Variants in SGCD observed in about 807,000 individuals in gnomAD.
The protein encoded by SGCD is delta-sarcoglycan.
A neutral mutation model predicts 36.6 loss-of-function variants in SGCD; 18 were observed. The observed-to-expected ratio is 0.49, with a 90% CI of 0.34 to 0.73. The LOEUF is 0.73. Ranked by LOEUF, SGCD falls within the 30% of genes least tolerant of loss-of-function variation. The pLI is 0.01. For missense variants in SGCD, 387 were observed against 346.7 expected, an observed-to-expected ratio of 1.12 and a Z score of -0.92; for synonymous variants, 133 against 130.6, an observed-to-expected ratio of 1.02 and a Z score of -0.12.
chr5:155,868,410 GTGCCAGAC>G (rs1755568336), upstream of SGCD, among the ~76,000 whole-genome samples: 3 of 144,572 alleles, frequency 2.1e-5, no homozygotes, highest in Admixed American at 2.1e-4. Context: ...GTTGACCAGG[GTGCCAGAC>G]TGGTCTAGAA....
chr5:155,848,113 C>G, the SGCD span, among the ~76,000 whole-genome samples: 100 of 152,224 alleles, frequency 6.6e-4, no homozygotes, highest in South Asian at 4.6e-3. Flanking sequence ...GCACACAAAT[C>G]TCATGGAGCT....
At chr5:156,648,508 C>T (rs1240496953) in intron 7 of SGCD, among the ~76,000 whole-genome samples, 1 of 152,116 alleles carries the variant, frequency 6.6e-6, no homozygotes, top group Non-Finnish European at 1.5e-5. Flanking sequence ...AAATGTATCA[C>T]CTCATTATAA....
At chr5:156,669,372 T>G (rs1490618837) in intron 7 of SGCD, among the ~76,000 whole-genome samples, 1 of 152,108 alleles carries the variant, frequency 6.6e-6, no homozygotes, top group African/African-American at 2.4e-5. Context: ...CCCCCTCCCC[T>G]CTATCTTGAT....
chr5:156,634,753 G>A (rs1369633112), intron 6 of SGCD, among the ~76,000 whole-genome samples: 1 of 152,098 alleles, frequency 6.6e-6, no homozygotes, highest in Non-Finnish European at 1.5e-5. Flanking sequence ...ACCACAAAGA[G>A]TACATTTTCC....
intron 3 of SGCD, among the ~76,000 whole-genome samples, chr5:156,245,645 C>G (rs1305188804): frequency 4.6e-5 from 7 of 152,040 alleles, no homozygotes; most frequent in African/African-American, 1.4e-4. Flanking sequence ...GATAAAGCCT[C>G]TAGTCTAAAT....
At chr5:155,924,555 A>G (rs1010972493) in intron 1 of SGCD, among the ~76,000 whole-genome samples, 22 of 152,232 alleles carry the variant, frequency 1.4e-4, no homozygotes, top group Admixed American at 9.8e-4. Context: ...GGAAGCAGGC[A>G]GCAAATTAAC....
chr5:156,423,574 A>C (rs187287403), intron 3 of SGCD, among the ~76,000 whole-genome samples: 128 of 150,504 alleles, frequency 8.5e-4, no homozygotes, highest in African/African-American at 2.9e-3. Context: ...TCTTGTTTTG[A>C]ATGTTACAAT....
chr5:156,494,787 A>T (rs1756107004), intron 3 of SGCD, among the ~76,000 whole-genome samples: 1 of 151,956 alleles, frequency 6.6e-6, no homozygotes, highest in Admixed American at 6.6e-5. Context: ...AGGGGGTGTG[A>T]TTCAACTCTG....
chr5:156,423,646 G>A (rs1773530672), intron 3 of SGCD, among the ~76,000 whole-genome samples: 1 of 151,302 alleles, frequency 6.6e-6, no homozygotes, highest in African/African-American at 2.4e-5. Context: ...AACGGAAGGA[G>A]GGAGGGCAGC....
chr5:155,753,910 T>G, the SGCD span, among the ~76,000 whole-genome samples: 3 of 152,190 alleles, frequency 2.0e-5, no homozygotes, highest in African/African-American at 7.2e-5. Flanking sequence ...ATTTTTTTTT[T>G]CAATTGACGT....
At chr5:155,985,841 T>A (rs143793479) in intron 1 of SGCD, among the ~76,000 whole-genome samples, 83 of 152,314 alleles carry the variant, frequency 5.4e-4, no homozygotes, top group Admixed American at 1.6e-3. Context: ...AGTTGTGCCT[T>A]TGGAGCTGTC....
intron 6 of SGCD, among the ~76,000 whole-genome samples, chr5:156,616,485 C>G (rs1165298047): frequency 6.6e-6 from 1 of 152,164 alleles, no homozygotes; most frequent in Non-Finnish European, 1.5e-5. Context: ...CATAGAAAAT[C>G]ATGATGGTTG....
intron 2 of SGCD, among the ~76,000 whole-genome samples, chr5:156,120,117 A>G (rs992468487): frequency 2.6e-5 from 4 of 152,144 alleles, no homozygotes; most frequent in African/African-American, 9.7e-5. Context: ...CGAAAAAGCT[A>G]ATTTCTGAAG....
chr5:155,991,265 T>C (rs1404247163), intron 1 of SGCD, among the ~76,000 whole-genome samples: 1 of 152,224 alleles, frequency 6.6e-6, no homozygotes, highest in Non-Finnish European at 1.5e-5. Context: ...CAAGAATAAA[T>C]GGTATGCCAC....
intron 7 of SGCD, among the ~76,000 whole-genome samples, chr5:156,685,047 G>C (rs547051829): frequency 6.6e-6 from 1 of 152,274 alleles, no homozygotes; most frequent in South Asian, 2.1e-4. Context: ...TGACAAAGAA[G>C]TCAGATATAG....
At chr5:156,511,716 C>T (rs1756936028) in intron 4 of SGCD, among the ~76,000 whole-genome samples, 2 of 152,158 alleles carry the variant, frequency 1.3e-5, no homozygotes, top group Non-Finnish European at 2.9e-5. Flanking sequence ...CTTTCACATT[C>T]TTATCATGTT....
intron 1 of SGCD, among the ~76,000 whole-genome samples, chr5:155,891,879 G>A (rs1756140291): frequency 6.6e-6 from 1 of 152,084 alleles, no homozygotes; most frequent in African/African-American, 2.4e-5. Flanking sequence ...TGTGGCAGCA[G>A]CATTAGGACA....
chr5:156,462,959 A>G (rs1233183093), intron 3 of SGCD, among the ~76,000 whole-genome samples: 1 of 152,194 alleles, frequency 6.6e-6, no homozygotes, highest in Non-Finnish European at 1.5e-5. Context: ...CTGATGAATT[A>G]TATTGTGATT....
At chr5:156,057,372 G>C (rs1760088486) in intron 1 of SGCD, among the ~76,000 whole-genome samples, 1 of 146,294 alleles carries the variant, frequency 6.8e-6, no homozygotes, top group Non-Finnish European at 1.5e-5. Flanking sequence ...GTCAAATGAG[G>C]AATTATGTTA....
Sources: allele counts gnomAD v4.1 joint callset (sites outside exome capture counted in the v4.1 genomes callset), GRCh38; gene constraint gnomAD v4.1.1; transcripts MANE v1.5; gene names NCBI Gene and HGNC (gene_info 2026-07-23, HGNC 2026-07-21).